FOXP1: variants seen among roughly 807,000 people sequenced by gnomAD.
The protein encoded by FOXP1 is forkhead box protein P1.
Under a neutral mutation model 98.2 loss-of-function variants are expected in FOXP1, and 15 were observed. The ratio of observed to expected loss-of-function variants is 0.15; its 90% CI spans 0.10 to 0.24. The LOEUF is 0.24. FOXP1 is among the 10% of genes least tolerant of loss of function. The probability of loss-of-function intolerance (pLI) is 1.00; values close to 1 mark genes in which losing one functional copy is unlikely to be tolerated. For missense variants in FOXP1, 633 were observed against 848.5 expected, an observed-to-expected ratio of 0.75 and a Z score of 3.15; for synonymous variants, 371 against 314.5, an observed-to-expected ratio of 1.18 and a Z score of -1.90.
chr3:71,089,895 G>C (rs1037468859), intron 7 of FOXP1, among the ~76,000 whole-genome samples: 1 of 152,182 alleles, frequency 6.6e-6, no homozygotes, highest in Non-Finnish European at 1.5e-5. Context: ...GAAATGAGTT[G>C]AAGTCCATGG....
intron 13 of FOXP1, among the ~76,000 whole-genome samples, chr3:70,999,060 A>G (rs1480758204): frequency 1.3e-5 from 2 of 152,132 alleles, no homozygotes; most frequent in African/African-American, 4.8e-5. Context: ...TACCACCAAT[A>G]TGTACAAATT....
intron 10 of FOXP1, among the ~76,000 whole-genome samples, chr3:71,041,964 T>C (rs541066105): frequency 2.0e-5 from 3 of 152,250 alleles, no homozygotes; most frequent in Non-Finnish European, 2.9e-5. Context: ...TCTTAAATGA[T>C]GACAAATAGC....
At chr3:71,515,972 T>C (rs1010806026) in intron 2 of FOXP1, among the ~76,000 whole-genome samples, 2 of 152,202 alleles carry the variant, frequency 1.3e-5, no homozygotes, top group Non-Finnish European at 2.9e-5. Flanking sequence ...TCATCTGAGA[T>C]TCCGTAACAC....
intron 11 of FOXP1, among the ~76,000 whole-genome samples, chr3:71,026,108 T>C (rs376614858): frequency 1.3e-5 from 2 of 152,284 alleles, no homozygotes; most frequent in Admixed American, 6.5e-5. Context: ...GTCCACACAA[T>C]GTCAAATGGA....
At chr3:71,434,620 T>C (rs1296393696) in intron 3 of FOXP1, among the ~76,000 whole-genome samples, 1 of 140,220 alleles carries the variant, frequency 7.1e-6, no homozygotes, top group Non-Finnish European at 1.5e-5. Flanking sequence ...GTGACCCTCA[T>C]GAGGGGATGG....
chr3:71,043,459 G>A (rs940066), intron 10 of FOXP1, among the ~76,000 whole-genome samples: 4,400 of 152,202 alleles, frequency 0.029, 231 homozygotes, highest in African/African-American at 0.1. Flanking sequence ...CAGGTGGGAT[G>A]CGTTTGTAGC....
intron 5 of FOXP1, among the ~76,000 whole-genome samples, chr3:71,256,362 C>T (rs1423622699): frequency 2.0e-5 from 3 of 152,066 alleles, no homozygotes; most frequent in Non-Finnish European, 4.4e-5. Flanking sequence ...CATCCAGAAT[C>T]CATTCTCACT....
chr3:71,336,591 G>C (rs773114369), intron 4 of FOXP1, among the ~76,000 whole-genome samples: 1 of 152,182 alleles, frequency 6.6e-6, no homozygotes, highest in Non-Finnish European at 1.5e-5. Flanking sequence ...CATTTATCCT[G>C]TATTACCTAA....
chr3:71,389,267 T>A, intron 3 of FOXP1, among the ~76,000 whole-genome samples: 2 of 82,714 alleles, frequency 2.4e-5, no homozygotes, highest in Admixed American at 1.4e-4. Flanking sequence ...GGGGGGCGGG[T>A]TATAAATTTC....
intron 6 of FOXP1, among the ~76,000 whole-genome samples, chr3:71,182,902 G>A (rs1321584532): frequency 6.7e-6 from 1 of 148,400 alleles, no homozygotes; most frequent in Non-Finnish European, 1.5e-5. Flanking sequence ...AAAAACCATT[G>A]ACAGCATGTT....
At chr3:71,173,116 T>A (rs1416578749) in intron 6 of FOXP1, among the ~76,000 whole-genome samples, 1 of 152,172 alleles carries the variant, frequency 6.6e-6, no homozygotes, top group Non-Finnish European at 1.5e-5. Flanking sequence ...ATTGCTTTTT[T>A]TTCCCTATTG....
intron 3 of FOXP1, among the ~76,000 whole-genome samples, chr3:71,370,768 C>G (rs2079241565): frequency 6.6e-6 from 1 of 150,508 alleles, no homozygotes; most frequent in African/African-American, 2.4e-5. Flanking sequence ...AAGCACATTG[C>G]TAGGTCCCAA....
intron 6 of FOXP1, among the ~76,000 whole-genome samples, chr3:71,184,346 GC>G (rs2062517699): frequency 6.6e-6 from 1 of 152,124 alleles, no homozygotes; most frequent in Admixed American, 6.5e-5. Flanking sequence ...ACTGCCTTCA[GC>G]CCTATAAGGG....
Position 71,268,614 on chromosome 3 carries a change from A to G in FOXP1, c.-12+31206T>C, listed in dbSNP as rs73839472. The stretch of plus-strand genomic sequence containing the variant: ...TCATGCCAGCCCCTCTGACCAAGTG[A>G]TAAGACAGGTAGATAAAGGGGAAAT... On this transcript the variant is annotated intron_variant, in intron 5 of 20. Coordinates refer to ENST00000649528, the MANE Select transcript of FOXP1 (RefSeq NM_001349338.3). Among the ~76,000 whole-genome samples, 790 of 152,312 alleles carry G rather than the reference A, an allele frequency of 5.2e-3. 4 individuals are homozygous for G. Among genetic ancestry groups the G allele is most frequent in the African/African-American group, 0.018 (764 of 41,570 alleles).
chr3:71,148,840 A>G (rs2060440690), intron 6 of FOXP1, among the ~76,000 whole-genome samples: 1 of 152,246 alleles, frequency 6.6e-6, no homozygotes, highest in Non-Finnish European at 1.5e-5. Flanking sequence ...AGGAAGGCAG[A>G]CATGGGTGAA....
rs587780339 is a variant in FOXP1 at position 71,198,284 on chromosome 3, C to G, written c.98G>C (p.Arg33Pro). The G allele has an allele frequency of 3.1e-6, 5 of 1,614,058 alleles. No individual in the cohort carries two copies. The highest frequency in any genetic ancestry group is 3.3e-5 in the Admixed American group (2 of 60,008). ...CGTCTCTCCGTTGGACCGCCCCTCC[C>G]GAAGACCGCCGCACTCTAGTAAGTG... ...SNHLLECGGL[R>P]EGRSNGETPA... Residue 33 changes from arginine to proline, a missense_variant, in exon 6 of 21, where the codon CGG becomes CCG. Arg to Pro is a moderately radical substitution (Grantham distance 103, BLOSUM62 -2). Coordinates refer to ENST00000649528, the MANE Select transcript of FOXP1 (RefSeq NM_001349338.3).
At chr3:71,120,490 A>T (rs1321295592) in intron 6 of FOXP1, among the ~76,000 whole-genome samples, 1 of 152,274 alleles carries the variant, frequency 6.6e-6, no homozygotes, top group Non-Finnish European at 1.5e-5. Flanking sequence ...CAGTCTTTGC[A>T]AATAAGTTTA....
chr3:71,397,982 G>A (rs2081661454), intron 3 of FOXP1, among the ~76,000 whole-genome samples: 1 of 152,098 alleles, frequency 6.6e-6, no homozygotes, highest in Admixed American at 6.6e-5. Flanking sequence ...GAGAAGGGGA[G>A]AGGAAGGAAG....
chr3:71,254,955 A>T (rs2068508958), intron 5 of FOXP1, among the ~76,000 whole-genome samples: 1 of 152,214 alleles, frequency 6.6e-6, no homozygotes, highest in Non-Finnish European at 1.5e-5. Context: ...ACTTGAACGG[A>T]GCTTTTTAAA....
Sources: gnomAD v4.1 joint callset for allele counts (sites outside exome capture counted in the v4.1 genomes callset) on GRCh38, gnomAD v4.1.1 for gene constraint, MANE v1.5 for transcripts, NCBI Gene and HGNC (gene_info 2026-07-23, HGNC 2026-07-21) for gene names.